HBP1: variants seen among roughly 807,000 people sequenced by gnomAD.
The protein encoded by HBP1 is HMG-box transcription factor 1.
A neutral mutation model predicts 62.6 loss-of-function variants in HBP1; 20 were observed. That is an observed-to-expected ratio of 0.32 (90% CI 0.22 to 0.46). The LOEUF (loss-of-function observed/expected upper bound fraction) is 0.46. Among genes scored for constraint, HBP1 ranks in the 20% least tolerant of loss-of-function variants. The pLI is 1.00. For missense variants in HBP1, 480 were observed against 611.8 expected (o/e 0.78, Z 2.27); for synonymous variants, 232 against 206.2 (o/e 1.12, Z -1.07).
At position 107,202,295 on chromosome 7, in the gene HBP1, T is replaced by G. The variant is rs2116063278; in HGVS notation, c.*864T>G. 6.5e-6 allele frequency: 1 copy of G among 152,758 alleles called. No individual in the cohort carries two copies. The highest frequency in any genetic ancestry group is 1.5e-5 in the Non-Finnish European group (1 of 68,018). The allele number at this position is 152,758 out of a possible 1,614,324, so 9.5% of individuals were successfully genotyped here. A position where few individuals can be genotyped will look rare whatever the true frequency, so the allele number is the denominator to read the frequency against. ...TGCAGTGCAACACTTGCACTTTAAT[T>G]TTCCTCCAACTGTCTAAAATTAGAG... On this transcript the variant is annotated 3_prime_UTR_variant, in exon 11 of 11. Coordinates refer to ENST00000222574, the MANE Select transcript of HBP1 (RefSeq NM_012257.4).
chr7:107,197,801 T>TA (rs869083168), intron 9 of HBP1, among the ~76,000 whole-genome samples: 2 of 152,344 alleles, frequency 1.3e-5, no homozygotes, highest in African/African-American at 2.4e-5. Context: ...GTGTGTTTTT[T>TA]AAAAAAAGTT....
chr7:107,201,071 C>CT (rs1798248084), intron 10 of HBP1: 1 of 196,572 alleles, frequency 5.1e-6, no homozygotes, highest in African/African-American at 2.3e-5. Context: ...CAGGTCATAT[C>CT]TGTTTAAATT....
chr7:107,199,525 T>A (rs1309597939), intron 9 of HBP1, among the ~76,000 whole-genome samples: 1 of 152,242 alleles, frequency 6.6e-6, no homozygotes, highest in Non-Finnish European at 1.5e-5. Context: ...GGCTTCCATA[T>A]CAGTCAGTAT....
intron 1 of HBP1, chr7:107,169,984 C>T (rs1390330070): frequency 1.0e-6 from 1 of 985,368 alleles, no homozygotes; most frequent in Non-Finnish European, 1.2e-6. Context: ...CAAAACAAAC[C>T]AGGCGAAGTG....
chr7:107,196,135 C>G lies in HBP1; in HGVS notation c.1369C>G (p.Pro457Ala). 1 of 1,588,356 alleles carries G rather than the reference C, an allele frequency of 6.3e-7. No individual in the cohort carries two copies. Among genetic ancestry groups the G allele is most frequent in the Non-Finnish European group, 8.6e-7 (1 of 1,157,000 alleles). Reference sequence around the variant, plus strand: ...CAGAGTTGAATATACTCAGATGTATCCAGGGAAAGATAACAGGTAAAAATA... The same window carrying G: ...CAGAGTTGAATATACTCAGATGTATGCAGGGAAAGATAACAGGTAAAAATA... Reference protein sequence around the residue: ...KYRVEYTQMYPGKDNRAISVI... With the variant: ...KYRVEYTQMYAGKDNRAISVI... Residue 457 changes from proline to alanine, a missense_variant, in exon 9 of 11, where the codon CCA (proline) becomes GCA (alanine). This residue lies in a region of HBP1 where 52 missense variants were observed against 96.0 expected (regional missense o/e 0.54). Coordinates refer to ENST00000222574, the MANE Select transcript of HBP1 (RefSeq NM_012257.4).
chr7:107,189,476 CTT>C, intron 7 of HBP1, 28 bp downstream of exon 7: 1 of 1,546,456 alleles, frequency 6.5e-7, no homozygotes, highest in Non-Finnish European at 8.8e-7. Context: ...TTTGTAGTAA[CTT>C]TTTTTAAACA....
At chr7:107,180,459 A>G (rs1036158886) in intron 2 of HBP1, among the ~76,000 whole-genome samples, 3 of 152,180 alleles carry the variant, frequency 2.0e-5, no homozygotes, top group African/African-American at 4.8e-5. Context: ...AGGATCTGAC[A>G]TTTATGGTTG....
rs923748281 is a variant in HBP1, at chr7:107,179,601, A to G, written c.-15-278A>G. The G allele has an allele frequency of 2.2e-5, 4 of 183,170 alleles. No individual in the cohort carries two copies. The East Asian group carries it at 5.0e-4, about 23-fold the overall frequency. The allele number at this position is 183,170 out of a possible 1,614,324, so 11.3% of individuals were successfully genotyped here. On this transcript the variant is annotated intron_variant, in intron 1 of 10. Transcript: ENST00000222574. ...AGCCTGGCCAACATGACGAAACCCC[A>G]TCTCTACTAAAAATACAAAAATTAG...
intron 8 of HBP1, among the ~76,000 whole-genome samples, chr7:107,194,401 A>G (rs899082654): frequency 3.3e-5 from 5 of 152,216 alleles, no homozygotes; most frequent in African/African-American, 9.6e-5. Context: ...GGGGCTGAAG[A>G]TATCTTACAA....
intron 1 of HBP1, chr7:107,169,865 G>T: frequency 7.1e-6 from 7 of 985,556 alleles, no homozygotes; most frequent in East Asian, 2.3e-4. Context: ...GATGGACTTG[G>T]CGTGAACCGG....
In HBP1 at chr7:107,200,205, T is replaced by G; in HGVS notation, c.1431T>G (p.Asn477Lys). 6.2e-7 allele frequency: 1 copy of G among 1,610,108 alleles called. No homozygotes were observed. Among genetic ancestry groups the G allele is most frequent in the Non-Finnish European group, 8.5e-7 (1 of 1,177,446 alleles). The part of the protein sequence containing the change: ...ILGDRWKKMK[N>K]EERRMYTLEA... ...GTGACAGGTGGAAGAAAATGAAGAA[T>G]GAAGAGAGAAGAATGTACACATTAG... is the stretch of plus-strand genomic sequence containing the variant. Residue 477 changes from asparagine to lysine, a missense_variant, in exon 10 of 11, where the codon AAT (asparagine) becomes AAG (lysine). Transcript: ENST00000222574.
Position 107,189,339 on chromosome 7 carries a change from A to C in HBP1, c.813A>C (p.Val271=), listed in dbSNP as rs1387756855. 9.3e-6 allele frequency: 15 copies of C among 1,612,852 alleles called. No homozygotes were observed. Among genetic ancestry groups the C allele is most frequent in the Non-Finnish European group, 1.2e-5 (14 of 1,179,056 alleles). The change falls in exon 7 of 11, where the codon GTA becomes GTC. Residue 271 remains valine, a synonymous_variant. Coordinates refer to ENST00000222574, the MANE Select transcript of HBP1 (RefSeq NM_012257.4). ...AGTTGTTATCACATGAAGAAAGTGT[A>C]TCATTTGGCGAGTCTGTACTGAAGT... is the stretch of plus-strand genomic sequence containing the variant. ...GLKLLSHEES[V]SFGESVLKLT...
rs913923743 is a variant in HBP1 at position 107,191,324 on chromosome 7, A to G, written c.1067+1007A>G. Among the ~76,000 whole-genome samples, 6 of 152,072 alleles carry G rather than the reference A, an allele frequency of 3.9e-5. No individual in the cohort carries two copies. In the South Asian group the frequency reaches 8.3e-4, roughly 21 times the overall value. ...CATCCCTCATATACACTCTTTTTTG[A>G]AAAACTAGAAAAATGAGTCAAAATT... On this transcript the variant is annotated intron_variant, in intron 8 of 10. Coordinates refer to ENST00000222574, the MANE Select transcript of HBP1 (RefSeq NM_012257.4).
chr7:107,179,264 A>C (rs1246687522), intron 1 of HBP1, among the ~76,000 whole-genome samples: 1 of 152,174 alleles, frequency 6.6e-6, no homozygotes, highest in Non-Finnish European at 1.5e-5. Context: ...CAGTTTTTGC[A>C]TCTGAAAGGA....
chr7:107,169,888 T>C (rs1047981650), intron 1 of HBP1: 67 of 985,458 alleles, frequency 6.8e-5, no homozygotes, highest in Non-Finnish European at 8.0e-5. Context: ...GGCACCGCTC[T>C]GTGTGACCCA....
At chr7:107,200,021 C>A in intron 9 of HBP1, 139 bp from the exon 10 acceptor site, 2 of 614,478 alleles carry the variant, frequency 3.3e-6, no homozygotes, top group East Asian at 3.0e-5. Flanking sequence ...GCATTATGGC[C>A]TTGACCTTTT....
intron 1 of HBP1, among the ~76,000 whole-genome samples, chr7:107,174,897 T>C (rs1017988789): frequency 3.3e-5 from 5 of 152,174 alleles, no homozygotes; most frequent in African/African-American, 4.8e-5. Context: ...AATACTTCTA[T>C]GGAAAGAGTT....
intron 1 of HBP1, among the ~76,000 whole-genome samples, chr7:107,170,982 T>A (rs188845544): frequency 7.0e-6 from 1 of 143,650 alleles, no homozygotes; most frequent in Non-Finnish European, 1.5e-5. Flanking sequence ...AACATACATG[T>A]ATATATATAA....
intron 1 of HBP1, among the ~76,000 whole-genome samples, chr7:107,171,044 TAA>T (rs1562881803): frequency 9.9e-6 from 1 of 100,788 alleles, no homozygotes; most frequent in African/African-American, 5.0e-5. Flanking sequence ...TATACATGTA[TAA>T]ATATATATAT....
Sources: gnomAD v4.1 joint callset for allele counts (sites outside exome capture counted in the v4.1 genomes callset) on GRCh38, gnomAD v4.1.1 for gene constraint, gnomAD v4.1.1 regional missense constraint, MANE v1.5 for transcripts, NCBI Gene and HGNC (gene_info 2026-07-23, HGNC 2026-07-21) for gene names.